Variants in ARHGAP10 observed in about 807,000 individuals in gnomAD.
The protein encoded by ARHGAP10 is rho GTPase-activating protein 10.
In ARHGAP10, 87 loss-of-function variants were observed where a neutral mutation model predicts 108.6. The observed-to-expected ratio is 0.80, with a 90% CI of 0.67 to 0.96. The LOEUF (loss-of-function observed/expected upper bound fraction) is 0.96. Among genes scored for constraint, ARHGAP10 ranks in the 40% least tolerant of loss-of-function variants. The pLI is 0.00. For synonymous variants in ARHGAP10, 347 were observed against 341.1 expected (o/e 1.02, Z -0.19); for missense variants, 939 against 954.5 (o/e 0.98, Z 0.21).
At chr4:147,775,064 G>A (rs1301129654) in intron 1 of ARHGAP10, among the ~76,000 whole-genome samples, 1 of 151,976 alleles carries the variant, frequency 6.6e-6, no homozygotes, top group Non-Finnish European at 1.5e-5. Flanking sequence ...ATAGGCTCTC[G>A]CCACCACGCC....
At chr4:147,829,130 C>T (rs558038072) in intron 3 of ARHGAP10, among the ~76,000 whole-genome samples, 3 of 151,622 alleles carry the variant, frequency 2.0e-5, no homozygotes, top group Non-Finnish European at 2.9e-5. Flanking sequence ...CAGCTCACTG[C>T]ACCCCTGCCT....
chr4:148,055,875 G>A lies in ARHGAP10; in HGVS notation c.2028-7273G>A, dbSNP rs1261069054. Among the ~76,000 whole-genome samples the A allele has an allele frequency of 5.3e-5, 8 of 152,002 alleles. No homozygotes were observed. In the East Asian group the frequency reaches 1.4e-3, roughly 26 times the overall value. ...CCCCAGGCACGAACAGGGGAGCCCC[G>A]CACCACAAAACCAGTGAAGATGGAG... On this transcript the variant is annotated intron_variant, in intron 20 of 22. Transcript: ENST00000336498.
intron 1 of ARHGAP10, among the ~76,000 whole-genome samples, chr4:147,804,791 A>G (rs943145321): frequency 6.6e-6 from 1 of 151,912 alleles, no homozygotes; most frequent in Non-Finnish European, 1.5e-5. Flanking sequence ...CGTCTTTTGA[A>G]AAGTTCTTGT....
intron 1 of ARHGAP10, among the ~76,000 whole-genome samples, chr4:147,803,497 A>G (rs1731662093): frequency 6.6e-6 from 1 of 152,182 alleles, no homozygotes; most frequent in East Asian, 1.9e-4. Flanking sequence ...ATTTTTAATT[A>G]TAGTCAGCCT....
chr4:147,751,424 C>T (rs1264046213), intron 1 of ARHGAP10, among the ~76,000 whole-genome samples: 16 of 150,956 alleles, frequency 1.1e-4, no homozygotes, highest in African/African-American at 1.9e-4. Flanking sequence ...GGTGCAGTGG[C>T]GTGATCTCGG....
chr4:147,760,523 AC>A (rs1396838157), intron 1 of ARHGAP10, among the ~76,000 whole-genome samples: 8 of 152,162 alleles, frequency 5.3e-5, no homozygotes, highest in African/African-American at 1.9e-4. Context: ...GAGGGGCCAT[AC>A]TTTTCTAAGT....
At chr4:147,914,260 A>G (rs941777852) in intron 13 of ARHGAP10, among the ~76,000 whole-genome samples, 3 of 152,202 alleles carry the variant, frequency 2.0e-5, no homozygotes, top group African/African-American at 7.2e-5. Context: ...CAATTGTGAT[A>G]CTTTATTACA....
intron 15 of ARHGAP10, among the ~76,000 whole-genome samples, chr4:147,953,448 CAGGTTATCTGTT>C (rs1412490210): frequency 2.6e-5 from 4 of 152,066 alleles, no homozygotes; most frequent in Non-Finnish European, 5.9e-5. Context: ...TAGGACTACT[CAGGTTATCTGTT>C]TCTTCTTGAG....
intron 19 of ARHGAP10, among the ~76,000 whole-genome samples, chr4:148,033,230 A>G (rs944427204): frequency 6.6e-6 from 1 of 152,070 alleles, no homozygotes; most frequent in African/African-American, 2.4e-5. Flanking sequence ...TCTGCATTCT[A>G]TTGTATGGAT....
At chr4:147,885,467 C>T (rs760879529) in intron 10 of ARHGAP10, among the ~76,000 whole-genome samples, 1 of 152,160 alleles carries the variant, frequency 6.6e-6, no homozygotes, top group Admixed American at 6.5e-5. Flanking sequence ...AGTTACCTCC[C>T]ACCAGGTCCC....
intron 1 of ARHGAP10, among the ~76,000 whole-genome samples, chr4:147,753,869 C>A (rs944423696): frequency 1.2e-4 from 18 of 152,122 alleles, no homozygotes; most frequent in Non-Finnish European, 2.4e-4. Context: ...TATGAGAGTC[C>A]TTCCTCTTGA....
chr4:147,876,862 A>G (rs1404706983), intron 8 of ARHGAP10, among the ~76,000 whole-genome samples: 2 of 152,218 alleles, frequency 1.3e-5, no homozygotes, highest in African/African-American at 4.8e-5. Context: ...ATAAGGTACT[A>G]TTACTGTTGC....
intron 1 of ARHGAP10, among the ~76,000 whole-genome samples, chr4:147,785,447 G>C (rs1234050699): frequency 6.6e-6 from 1 of 152,138 alleles, no homozygotes; most frequent in Non-Finnish European, 1.5e-5. Flanking sequence ...CAGATCAATA[G>C]TGTGTAACTT....
At chr4:147,897,749 A>G (rs573362707) in intron 10 of ARHGAP10, among the ~76,000 whole-genome samples, 8 of 152,218 alleles carry the variant, frequency 5.3e-5, no homozygotes, top group Non-Finnish European at 1.2e-4. Flanking sequence ...GTAATTATAC[A>G]TGACTACTTT....
chr4:148,047,327 T>G (rs1039366597), intron 20 of ARHGAP10, among the ~76,000 whole-genome samples: 1 of 152,212 alleles, frequency 6.6e-6, no homozygotes, highest in Non-Finnish European at 1.5e-5. Context: ...CAACGGAAAT[T>G]TGTTACTGTC....
At chr4:147,821,549 T>C (rs1732498737) in intron 1 of ARHGAP10, among the ~76,000 whole-genome samples, 1 of 152,128 alleles carries the variant, frequency 6.6e-6, no homozygotes, top group Admixed American at 6.6e-5. Flanking sequence ...AAACATGAAT[T>C]AGAGGAAAAA....
At chr4:147,795,020 T>TGAAA (rs1432424286) in intron 1 of ARHGAP10, among the ~76,000 whole-genome samples, 1 of 152,226 alleles carries the variant, frequency 6.6e-6, no homozygotes, top group Non-Finnish European at 1.5e-5. Context: ...TGGCAGCTAG[T>TGAAA]GAAATATTAA....
At position 147,891,478 on chromosome 4, in the gene ARHGAP10, G is replaced by A. The variant is rs76086241; in HGVS notation, c.1034+9546G>A. On this transcript the variant is annotated intron_variant, in intron 10 of 22. Coordinates refer to ENST00000336498, the MANE Select transcript of ARHGAP10 (RefSeq NM_024605.4). ...AAAGAAATGGGGAGTGATGGCTAAT[G>A]GGTACAGGTTTTCTTTTTACTCCCT... Among the ~76,000 whole-genome samples the A allele has an allele frequency of 4.8e-3, 724 of 152,238 alleles. 12 individuals carry two copies. Among genetic ancestry groups the A allele is most frequent in the East Asian group, 0.026 (133 of 5,174 alleles).
chr4:147,939,214 C>T (rs1444846892), intron 13 of ARHGAP10, among the ~76,000 whole-genome samples: 1 of 152,114 alleles, frequency 6.6e-6, no homozygotes, highest in African/African-American at 2.4e-5. Flanking sequence ...TTATATGTCT[C>T]TTGTTTTCAG....
Sources: allele counts gnomAD v4.1 joint callset (sites outside exome capture counted in the v4.1 genomes callset), GRCh38; gene constraint gnomAD v4.1.1; transcripts MANE v1.5; gene names NCBI Gene and HGNC (gene_info 2026-07-23, HGNC 2026-07-21).